Variants in EPHA7 observed in about 807,000 individuals in gnomAD.
EPHA7 encodes the protein EPH receptor A7, also known as ephrin type-A receptor 7.
A neutral mutation model predicts 112.6 loss-of-function variants in EPHA7; 25 were observed. The ratio of observed to expected loss-of-function variants is 0.22; its 90% CI spans 0.16 to 0.31. EPHA7 has a LOEUF of 0.31. Ranked by LOEUF, EPHA7 falls within the 10% of genes least tolerant of loss-of-function variation. The pLI is 1.00. For missense variants in EPHA7, 962 were observed against 1,212.6 expected, an observed-to-expected ratio of 0.79 and a Z score of 3.07; for synonymous variants, 437 against 406.5, an observed-to-expected ratio of 1.07 and a Z score of -0.90.
At position 93,318,513 on chromosome 6, in the gene EPHA7, G is replaced by A. The variant is rs1024874116; in HGVS notation, c.1324+38204C>T. On this transcript the variant is annotated intron_variant, in intron 5 of 16. Coordinates refer to ENST00000369303, the MANE Select transcript of EPHA7 (RefSeq NM_004440.4). ...CAATAAATTATGCATTTTAACAAAG[G>A]TAAATATATTTAATTTAAAAAATGA... is the stretch of plus-strand genomic sequence containing the variant. Among the ~76,000 whole-genome samples, 4 of 151,946 alleles carry A rather than the reference G, an allele frequency of 2.6e-5. No individual in the cohort carries two copies. The East Asian group carries it at 5.8e-4, about 22-fold the overall frequency.
intron 5 of EPHA7, among the ~76,000 whole-genome samples, chr6:93,273,557 ATT>A (rs1393520977): frequency 6.6e-6 from 1 of 151,850 alleles, no homozygotes; most frequent in East Asian, 1.9e-4. Context: ...TGGCTTGGCG[ATT>A]TTGAAGGAAG....
intron 16 of EPHA7, among the ~76,000 whole-genome samples, chr6:93,244,502 G>A (rs1281525533): frequency 1.3e-5 from 2 of 152,070 alleles, no homozygotes; most frequent in Non-Finnish European, 2.9e-5. Context: ...CACATTGACT[G>A]AGAGGAACTA....
chr6:93,356,753 G>A lies in EPHA7; in HGVS notation c.1288C>T (p.Leu430Phe), dbSNP rs1179484555. ...GTGGTGATACTGACAGCAGCAAAGA[G>A]CCTCTGGGATCGGCTTAAGTCAGAA... ...GVSDLSRSQR[L>F]FAAVSITTGQ... Residue 430 changes from leucine (L) to phenylalanine (F), a missense_variant, in exon 5 of 17, where the codon CTC (leucine) becomes TTC (phenylalanine). By Grantham distance (22) the Leu-to-Phe change is conservative. Around this residue, in one of 3 missense-constraint regions of EPHA7, gnomAD observed 746 missense variants for 889.2 expected, o/e 0.84. Coordinates refer to ENST00000369303, the MANE Select transcript of EPHA7 (RefSeq NM_004440.4). 1 of 1,613,698 alleles carries A rather than the reference G, an allele frequency of 6.2e-7. No homozygotes were observed. Among genetic ancestry groups the A allele is most frequent in the Non-Finnish European group, 8.5e-7 (1 of 1,179,770 alleles).
intron 14 of EPHA7, among the ~76,000 whole-genome samples, chr6:93,248,191 T>C (rs1300495655): frequency 6.6e-6 from 1 of 152,050 alleles, no homozygotes; most frequent in African/African-American, 2.4e-5. Context: ...TAAGAAATGT[T>C]GATGGTCTTA....
chr6:93,282,806 C>T (rs1439470717), intron 5 of EPHA7, among the ~76,000 whole-genome samples: 2 of 152,098 alleles, frequency 1.3e-5, no homozygotes, highest in Non-Finnish European at 1.5e-5. Flanking sequence ...CTGCTGTGGT[C>T]GATTTCTCCC....
At chr6:93,320,338 A>C (rs1258637792) in intron 5 of EPHA7, among the ~76,000 whole-genome samples, 1 of 152,104 alleles carries the variant, frequency 6.6e-6, no homozygotes, top group Non-Finnish European at 1.5e-5. Context: ...ATATAAGTAC[A>C]TTTCGAATAA....
At chr6:93,382,235 G>T (rs1234201626) in intron 3 of EPHA7, among the ~76,000 whole-genome samples, 1 of 152,120 alleles carries the variant, frequency 6.6e-6, no homozygotes, top group Non-Finnish European at 1.5e-5. Context: ...GTGCCAGGGT[G>T]GGGGCTGGGT....
At chr6:93,299,281 G>C (rs1055659395) in intron 5 of EPHA7, among the ~76,000 whole-genome samples, 1 of 151,434 alleles carries the variant, frequency 6.6e-6, no homozygotes, top group Admixed American at 6.6e-5. Context: ...AGCCGAGATC[G>C]CGCCACTGCA....
At chr6:93,262,926 C>T (rs1770755911) in intron 9 of EPHA7, among the ~76,000 whole-genome samples, 2 of 151,162 alleles carry the variant, frequency 1.3e-5, no homozygotes, top group Admixed American at 1.3e-4. Context: ...GGGTATAGGA[C>T]AGTATCTTCA....
At chr6:93,311,662 C>A (rs1324082524) in intron 5 of EPHA7, among the ~76,000 whole-genome samples, 4 of 152,122 alleles carry the variant, frequency 2.6e-5, no homozygotes, top group Non-Finnish European at 5.9e-5. Context: ...GAAAATTTGA[C>A]CTCCTCCCAT....
chr6:93,301,872 A>T (rs1343792910), intron 5 of EPHA7, among the ~76,000 whole-genome samples: 2 of 152,146 alleles, frequency 1.3e-5, no homozygotes, highest in Non-Finnish European at 2.9e-5. Flanking sequence ...CTCCACACAA[A>T]TCTGCACCCA....
chr6:93,268,467 T>C (rs7746221), intron 7 of EPHA7, among the ~76,000 whole-genome samples: 1,981 of 151,910 alleles, frequency 0.013, 45 homozygotes, highest in African/African-American at 0.045. Context: ...ATTTAATTTG[T>C]TTAAATATTT....
chr6:93,301,787 T>G (rs1186898588), intron 5 of EPHA7, among the ~76,000 whole-genome samples: 1 of 152,172 alleles, frequency 6.6e-6, no homozygotes, highest in East Asian at 1.9e-4. Flanking sequence ...TCCCTCCATG[T>G]CTTTTGTCCT....
chr6:93,400,546 G>A (rs1053175235), intron 3 of EPHA7, among the ~76,000 whole-genome samples: 1 of 151,654 alleles, frequency 6.6e-6, no homozygotes, highest in Non-Finnish European at 1.5e-5. Flanking sequence ...TGTTTGTTTT[G>A]TTTAGAAACA....
rs1254101595 is a variant in EPHA7 at position 93,266,452 on chromosome 6, T to C, written c.1634-1750A>G. Among the ~76,000 whole-genome samples the C allele has an allele frequency of 2.8e-4, 43 of 151,698 alleles. No homozygotes were observed. The Admixed American group carries it at 2.8e-3, about 10-fold the overall frequency. On this transcript the variant is annotated intron_variant, in intron 7 of 16. Transcript: ENST00000369303. ...ATATTTATTTATACATTTTTGTATA[T>C]TGTCAGGGTCGTACTTTAATCTTTC...
intron 5 of EPHA7, among the ~76,000 whole-genome samples, chr6:93,307,582 C>G (rs1220215483): frequency 6.6e-6 from 1 of 152,076 alleles, no homozygotes; most frequent in Non-Finnish European, 1.5e-5. Context: ...GTAAAGCATG[C>G]AATTCTGAGC....
intron 5 of EPHA7, among the ~76,000 whole-genome samples, chr6:93,308,240 C>T (rs952234169): frequency 6.6e-5 from 10 of 152,096 alleles, no homozygotes; most frequent in African/African-American, 2.4e-4. Context: ...TCCCCTCTTG[C>T]TCGGGATACT....
At chr6:93,323,504 T>A (rs1774177207) in intron 5 of EPHA7, among the ~76,000 whole-genome samples, 1 of 151,560 alleles carries the variant, frequency 6.6e-6, no homozygotes, top group South Asian at 2.1e-4. Context: ...CGTACAAATA[T>A]ATACTATTCA....
At chr6:93,297,107 A>G (rs998354134) in intron 5 of EPHA7, among the ~76,000 whole-genome samples, 3 of 152,014 alleles carry the variant, frequency 2.0e-5, no homozygotes, top group African/African-American at 7.2e-5. Flanking sequence ...AAATATAATC[A>G]TGCTTTTTCA....
Sources: gnomAD v4.1 joint callset for allele counts (sites outside exome capture counted in the v4.1 genomes callset) on GRCh38, gnomAD v4.1.1 for gene constraint, gnomAD v4.1.1 regional missense constraint, MANE v1.5 for transcripts, NCBI Gene and HGNC (gene_info 2026-07-23, HGNC 2026-07-21) for gene names.